Variants in ZNF600 observed in about 807,000 individuals in gnomAD.
ZNF600 encodes zinc finger protein 600.
In ZNF600, 4 loss-of-function variants were observed where a neutral mutation model predicts 7.3. The observed-to-expected ratio is 0.55, with a 90% CI of 0.27 to 1.25. The LOEUF is 1.25. Ranked by LOEUF, ZNF600 falls within the 50% of genes most tolerant of loss-of-function variation. The pLI is 0.12. For synonymous variants in ZNF600, 290 were observed against 308.9 expected (o/e 0.94, Z 0.64); for missense variants, 911 against 922.1 (o/e 0.99, Z 0.16).
chr19:52,778,353 A>G (rs545152344), intron 2 of ZNF600, among the ~76,000 whole-genome samples: 1 of 152,260 alleles, frequency 6.6e-6, no homozygotes, highest in East Asian at 1.9e-4. Context: ...AATCACAGAC[A>G]TCTTGATCTA....
the ZNF600 span, among the ~76,000 whole-genome samples, chr19:52,792,021 C>T: frequency 2.6e-5 from 4 of 152,226 alleles, no homozygotes; most frequent in Non-Finnish European, 5.9e-5. Flanking sequence ...GGTTCCATCC[C>T]GTCAGAATAA....
the ZNF600 span, among the ~76,000 whole-genome samples, chr19:52,827,335 C>A: frequency 2.0e-5 from 3 of 151,998 alleles, no homozygotes; most frequent in South Asian, 6.2e-4. Context: ...GGTCTCCTTT[C>A]CAGAATGCAC....
chr19:52,780,308 C>A (rs2147557446), intron 1 of ZNF600, among the ~76,000 whole-genome samples: 1 of 152,218 alleles, frequency 6.6e-6, no homozygotes, highest in African/African-American at 2.4e-5. Flanking sequence ...TGTGGGAGAT[C>A]ACAAAGGAAA....
chr19:52,810,768 T>TA, the ZNF600 span: 127 of 437,144 alleles, frequency 2.9e-4, 1 homozygote, highest in East Asian at 1.6e-3. Context: ...AAAAAAAGAA[T>TA]AAAAAAAAAC....
At chr19:52,798,798 G>T in the ZNF600 span, 1 of 789,574 alleles carries the variant, frequency 1.3e-6, no homozygotes, top group Non-Finnish European at 2.1e-6. Flanking sequence ...ATTCTCCAAT[G>T]ATTTGCAATG....
At chr19:52,804,476 T>C in the ZNF600 span, among the ~76,000 whole-genome samples, 1 of 152,132 alleles carries the variant, frequency 6.6e-6, no homozygotes, top group Non-Finnish European at 1.5e-5. Flanking sequence ...GTTCCAGTGA[T>C]TCTCCTGCCT....
At chr19:52,810,431 AG>A in the ZNF600 span, 1 of 1,602,234 alleles carries the variant, frequency 6.2e-7, no homozygotes. Flanking sequence ...GCCATCCCAA[AG>A]GGTTTGCATA....
chr19:52,767,022 GA>G lies in ZNF600; in HGVS notation c.940del (p.Ser314LeufsTer18). On this transcript the variant is annotated frameshift_variant, in exon 4 of 4. Transcript: ENST00000648973. LOFTEE classifies it low-confidence loss of function (END_TRUNC). The stretch of plus-strand genomic sequence containing the variant: ...CTTGCCACACTCATTACACTTGTGA[GA>G]TTTTACTGCAGTGTGAAGTCTACGA... The G allele has an allele frequency of 6.2e-7, 1 of 1,614,162 alleles. No homozygotes were observed. Among genetic ancestry groups the G allele is most frequent in the Non-Finnish European group, 8.5e-7 (1 of 1,180,022 alleles).
At chr19:52,800,417 G>C in the ZNF600 span, 2 of 1,613,318 alleles carry the variant, frequency 1.2e-6, no homozygotes, top group African/African-American at 2.7e-5. Context: ...ATTTGCACCT[G>C]AAAACTTTGT....
At chr19:52,769,905 A>G (rs1230651704) in intron 3 of ZNF600, among the ~76,000 whole-genome samples, 1 of 152,206 alleles carries the variant, frequency 6.6e-6, no homozygotes, top group Non-Finnish European at 1.5e-5. Context: ...TGCATACCAC[A>G]TACCGAAAAG....
the ZNF600 span, among the ~76,000 whole-genome samples, chr19:52,819,835 A>G: frequency 9.1e-5 from 13 of 143,342 alleles, 1 homozygote; most frequent in Non-Finnish European, 1.5e-4. Flanking sequence ...TCACACTAAC[A>G]TTTATAAAAT....
intron 3 of ZNF600, among the ~76,000 whole-genome samples, chr19:52,774,118 T>C (rs2062652606): frequency 6.6e-6 from 1 of 152,022 alleles, no homozygotes; most frequent in African/African-American, 2.4e-5. Context: ...CAATGGAATA[T>C]TATTCAGCCT....
At chr19:52,833,631 T>C in the ZNF600 span, among the ~76,000 whole-genome samples, 1 of 152,126 alleles carries the variant, frequency 6.6e-6, no homozygotes, top group Non-Finnish European at 1.5e-5. Context: ...ATCAATCCTG[T>C]ACGTGAAAAA....
chr19:52,800,498 A>G, the ZNF600 span: 1 of 1,613,626 alleles, frequency 6.2e-7, no homozygotes. Context: ...TTGATTGTTG[A>G]TTAAAAACCT....
exon 4 of ZNF600, chr19:52,766,565 C>G: frequency 6.2e-7 from 1 of 1,612,056 alleles, no homozygotes; most frequent in Non-Finnish European, 8.5e-7. Flanking sequence ...GGTGTGAATT[C>G]CACGCAAAAG....
intron 2 of ZNF600, among the ~76,000 whole-genome samples, chr19:52,775,052 CA>C (rs1333999352): frequency 6.6e-6 from 1 of 152,002 alleles, no homozygotes; most frequent in African/African-American, 2.4e-5. Flanking sequence ...CCACCCTGGC[CA>C]ACATGGTGAA....
chr19:52,829,894 C>G, the ZNF600 span, among the ~76,000 whole-genome samples: 5 of 152,122 alleles, frequency 3.3e-5, no homozygotes, highest in South Asian at 1.0e-3. Context: ...TGAAGGCTGA[C>G]AACTCTTATT....
chr19:52,792,618 A>C, the ZNF600 span, among the ~76,000 whole-genome samples: 1,077 of 152,274 alleles, frequency 7.1e-3, 7 homozygotes, highest in Non-Finnish European at 0.011. Context: ...ATGACCTGGA[A>C]GCACCCTCGC....
the ZNF600 span, among the ~76,000 whole-genome samples, chr19:52,813,780 C>T: frequency 1.4e-5 from 2 of 146,586 alleles, no homozygotes; most frequent in African/African-American, 5.3e-5. Context: ...ATTCCCCTTC[C>T]CCATGGGGAA....
Sources: gnomAD v4.1 joint callset for allele counts (sites outside exome capture counted in the v4.1 genomes callset) on GRCh38, gnomAD v4.1.1 for gene constraint, MANE v1.5 for transcripts, NCBI Gene and HGNC (gene_info 2026-07-23, HGNC 2026-07-21) for gene names.